GLRA1: variants seen among roughly 807,000 people sequenced by gnomAD.
GLRA1 encodes glycine receptor subunit alpha-1.
In GLRA1, 37 loss-of-function variants were observed where a neutral mutation model predicts 48.3. The observed-to-expected ratio is 0.77, with a 90% CI of 0.59 to 1.01. The LOEUF (loss-of-function observed/expected upper bound fraction) is 1.01. Ranked by LOEUF, GLRA1 falls within the 50% of genes least tolerant of loss-of-function variation. The pLI is 0.00. For synonymous variants in GLRA1, 196 were observed against 210.7 expected (o/e 0.93, Z 0.60); for missense variants, 427 against 571.0 (o/e 0.75, Z 2.57).
At chr5:151,832,910 T>C (rs1047212414) in intron 7 of GLRA1, among the ~76,000 whole-genome samples, 1 of 152,174 alleles carries the variant, frequency 6.6e-6, no homozygotes, top group African/African-American at 2.4e-5. Flanking sequence ...AAAGGTCAGG[T>C]TACCCAGAAA....
chr5:151,908,836 T>A (rs1294868531), intron 1 of GLRA1, among the ~76,000 whole-genome samples: 1 of 152,156 alleles, frequency 6.6e-6, no homozygotes, highest in Non-Finnish European at 1.5e-5. Flanking sequence ...GCCCCTCAAT[T>A]TTCCTCCTCA....
chr5:151,844,636 A>G (rs1195285194), intron 7 of GLRA1, among the ~76,000 whole-genome samples: 14 of 147,786 alleles, frequency 9.5e-5, no homozygotes, highest in South Asian at 2.1e-4. Flanking sequence ...AAAAAAAAAA[A>G]AAAAAGAAAA....
At chr5:151,924,404 C>A in intron 1 of GLRA1, 90 bp downstream of exon 1, 1 of 864,970 alleles carries the variant, frequency 1.2e-6, no homozygotes, top group East Asian at 2.4e-5. Context: ...CCCCTCTTCC[C>A]CAAAATGATG....
chr5:151,917,108 C>T (rs1754760124), intron 1 of GLRA1, among the ~76,000 whole-genome samples: 1 of 152,204 alleles, frequency 6.6e-6, no homozygotes, highest in Non-Finnish European at 1.5e-5. Context: ...TTTATCCCCT[C>T]TACATCTGCA....
chr5:151,882,915 T>C (rs935844438), intron 3 of GLRA1, among the ~76,000 whole-genome samples: 9 of 152,160 alleles, frequency 5.9e-5, no homozygotes, highest in Non-Finnish European at 1.2e-4. Flanking sequence ...GTTTATCAAA[T>C]AATGTTGTTT....
intron 1 of GLRA1, among the ~76,000 whole-genome samples, chr5:151,905,628 T>G (rs1754456876): frequency 6.6e-6 from 1 of 152,148 alleles, no homozygotes; most frequent in African/African-American, 2.4e-5. Flanking sequence ...AGAAAGGCCA[T>G]AGCAGAGTAA....
intron 1 of GLRA1, among the ~76,000 whole-genome samples, chr5:151,916,128 T>A (rs1308629131): frequency 1.3e-5 from 2 of 152,212 alleles, no homozygotes; most frequent in Non-Finnish European, 2.9e-5. Flanking sequence ...TGTATTTGAA[T>A]CCTGGTTTTA....
intron 7 of GLRA1, among the ~76,000 whole-genome samples, chr5:151,846,747 T>C (rs1752681633): frequency 6.6e-6 from 1 of 152,240 alleles, no homozygotes; most frequent in Admixed American, 6.5e-5. Flanking sequence ...GGATCCTTGA[T>C]TGGATCCCTC....
At chr5:151,834,544 C>T (rs1019845946) in intron 7 of GLRA1, among the ~76,000 whole-genome samples, 2 of 151,856 alleles carry the variant, frequency 1.3e-5, no homozygotes, top group Admixed American at 6.6e-5. Context: ...AAATTGACAC[C>T]CTAACATCAG....
chr5:151,899,159 G>A (rs1196862462), intron 1 of GLRA1, among the ~76,000 whole-genome samples: 1 of 152,120 alleles, frequency 6.6e-6, no homozygotes, highest in East Asian at 1.9e-4. Flanking sequence ...ACTGGCCTTT[G>A]CCCTCTAATT....
At chr5:151,867,635 C>G (rs1287608911) in intron 3 of GLRA1, among the ~76,000 whole-genome samples, 1 of 152,128 alleles carries the variant, frequency 6.6e-6, no homozygotes, top group Non-Finnish European at 1.5e-5. Flanking sequence ...TAAAACAATC[C>G]TATGACTTGG....
chr5:151,907,245 C>T (rs569159691), intron 1 of GLRA1, among the ~76,000 whole-genome samples: 1 of 152,226 alleles, frequency 6.6e-6, no homozygotes, highest in African/African-American at 2.4e-5. Context: ...AGAAGTTGCT[C>T]TTTATATATT....
At chr5:151,874,524 T>A (rs535594322) in intron 3 of GLRA1, among the ~76,000 whole-genome samples, 1 of 152,298 alleles carries the variant, frequency 6.6e-6, no homozygotes, top group Non-Finnish European at 1.5e-5. Flanking sequence ...TGACTAGCTC[T>A]TGTGATTTAA....
intron 1 of GLRA1, among the ~76,000 whole-genome samples, chr5:151,914,215 G>A (rs9324715): frequency 0.19 from 29,220 of 152,196 alleles, 3,169 homozygotes; most frequent in African/African-American, 0.3. Context: ...GTGTCACTCA[G>A]AGAGCTATTG....
At chr5:151,907,649 C>T (rs866280550) in intron 1 of GLRA1, among the ~76,000 whole-genome samples, 13 of 152,284 alleles carry the variant, frequency 8.5e-5, no homozygotes, top group Middle Eastern at 3.4e-3. Flanking sequence ...TTCAATCAAT[C>T]GGAGGCACTG....
intron 1 of GLRA1, among the ~76,000 whole-genome samples, chr5:151,910,671 C>T (rs552724529): frequency 1.3e-5 from 2 of 152,170 alleles, no homozygotes; most frequent in Non-Finnish European, 1.5e-5. Flanking sequence ...TCAGTTTCCT[C>T]AACTATAACA....
At position 151,893,285 on chromosome 5, in the gene GLRA1, TTTCTTTCTTTCTTTCTTTC is replaced by T. The variant is rs199934515; in HGVS notation, c.57-866_57-848del. The stretch of plus-strand genomic sequence containing the variant: ...GAACATGACCCTCCCTCTGCCCAAC[TTTCTTTCTTTCTTTCTTTC>T]TTTCTTTCTTTCTTTCTTTCTTTCT... On this transcript the variant is annotated intron_variant, in intron 1 of 8. Coordinates refer to ENST00000274576, the MANE Select transcript of GLRA1 (RefSeq NM_000171.4). Among the ~76,000 whole-genome samples, 54 of 44,972 alleles carry T rather than the reference TTTCTTTCTTTCTTTCTTTC, an allele frequency of 1.2e-3. No homozygotes were observed. The East Asian group carries it at 0.015, about 12-fold the overall frequency. 29.5% of individuals were successfully genotyped at this position (44,972 alleles called of 152,430 possible).
chr5:151,909,614 A>G (rs928554649), intron 1 of GLRA1, among the ~76,000 whole-genome samples: 4 of 152,214 alleles, frequency 2.6e-5, no homozygotes, highest in African/African-American at 9.6e-5. Flanking sequence ...TTAGTCTTAA[A>G]TGTTATCAGT....
intron 7 of GLRA1, among the ~76,000 whole-genome samples, chr5:151,839,080 C>T (rs770569976): frequency 7.2e-5 from 11 of 152,176 alleles, no homozygotes; most frequent in African/African-American, 1.2e-4. Flanking sequence ...TTAACACCAT[C>T]GGGTACAGAA....
Sources: gnomAD v4.1 joint callset for allele counts (sites outside exome capture counted in the v4.1 genomes callset) on GRCh38, gnomAD v4.1.1 for gene constraint, MANE v1.5 for transcripts, NCBI Gene and HGNC (gene_info 2026-07-23, HGNC 2026-07-21) for gene names.